FRMD4A: variants seen among roughly 807,000 people sequenced by gnomAD.
FRMD4A encodes the protein FERM domain-containing protein 4A.
A neutral mutation model predicts 129.1 loss-of-function variants in FRMD4A; 29 were observed. That is an observed-to-expected ratio of 0.22 (90% CI 0.17 to 0.31). The LOEUF is 0.31. FRMD4A is among the 10% of genes least tolerant of loss of function. The pLI, the probability that FRMD4A is intolerant of heterozygous loss-of-function variation, is 1.00. For missense variants in FRMD4A, 1,272 were observed against 1,375.8 expected (o/e 0.92, Z 1.19); for synonymous variants, 634 against 571.6 (o/e 1.11, Z -1.56).
At chr10:13,879,364 G>A (rs1443993644) in intron 2 of FRMD4A, among the ~76,000 whole-genome samples, 2 of 151,932 alleles carry the variant, frequency 1.3e-5, no homozygotes, top group Admixed American at 1.3e-4. Flanking sequence ...TTTAAAAAAC[G>A]TAGCCAGGCA....
intron 2 of FRMD4A, among the ~76,000 whole-genome samples, chr10:14,199,359 C>G (rs906211357): frequency 2.0e-5 from 3 of 150,222 alleles, no homozygotes; most frequent in African/African-American, 7.4e-5. Context: ...ACTCTGTCAC[C>G]CAGGCTGGAG....
At chr10:14,276,604 A>T (rs1021135344) in intron 2 of FRMD4A, among the ~76,000 whole-genome samples, 1 of 152,180 alleles carries the variant, frequency 6.6e-6, no homozygotes, top group Non-Finnish European at 1.5e-5. Context: ...TGCCCAGGGA[A>T]GCCCAAAGTT....
chr10:13,715,930 G>A (rs7099186), intron 12 of FRMD4A, among the ~76,000 whole-genome samples: 90,142 of 146,682 alleles, frequency 0.61, 27,900 homozygotes, highest in East Asian at 0.85. Flanking sequence ...AAAAAGAAAT[G>A]CTATGATTGT....
intron 2 of FRMD4A, among the ~76,000 whole-genome samples, chr10:14,042,495 C>T (rs1237510710): frequency 6.6e-6 from 1 of 152,012 alleles, no homozygotes; most frequent in Non-Finnish European, 1.5e-5. Context: ...GCGAATGTAC[C>T]CTTTCTGCAG....
rs551024167 is a variant in FRMD4A at position 13,962,054 on chromosome 10, T to C, written c.46-103142A>G. ...AAAAACACACGAATGAATGAATGAA[T>C]GAATGAATGAATGAATGAATGAATC... On this transcript the variant is annotated intron_variant, in intron 2 of 24. Coordinates refer to ENST00000357447, the MANE Select transcript of FRMD4A (RefSeq NM_018027.5). Among the ~76,000 whole-genome samples, 44 of 152,216 alleles carry C rather than the reference T, an allele frequency of 2.9e-4. 1 individual carries two copies. The South Asian group carries it at 8.5e-3, about 29-fold the overall frequency.
At chr10:13,974,494 T>C (rs2095533922) in intron 2 of FRMD4A, among the ~76,000 whole-genome samples, 4 of 152,136 alleles carry the variant, frequency 2.6e-5, no homozygotes, top group Admixed American at 2.6e-4. Context: ...GTATCTTCAA[T>C]CATCTACATG....
chr10:14,230,414 G>C (rs1010645939), intron 2 of FRMD4A, among the ~76,000 whole-genome samples: 1 of 152,134 alleles, frequency 6.6e-6, no homozygotes, highest in African/African-American at 2.4e-5. Flanking sequence ...TTTTGAAATA[G>C]GAATAAAAAT....
At chr10:14,227,936 C>T (rs1252890403) in intron 2 of FRMD4A, among the ~76,000 whole-genome samples, 2 of 151,936 alleles carry the variant, frequency 1.3e-5, no homozygotes, top group Non-Finnish European at 2.9e-5. Flanking sequence ...TGCAGTGGTG[C>T]GATCTTGGCT....
rs372420987 is a variant in FRMD4A at position 14,110,125 on chromosome 10, T to TTAAAAAAAAAAAAAAAAAAAAAAAA, written c.45+219932_45+219933insTTTTTTTTTTTTTTTTTTTTTTTTA. Among the ~76,000 whole-genome samples, 93 of 89,552 alleles carry TTAAAAAAAAAAAAAAAAAAAAAAAA rather than the reference T, an allele frequency of 1.0e-3. 23 individuals are homozygous for TTAAAAAAAAAAAAAAAAAAAAAAAA. The highest frequency in any genetic ancestry group is 3.7e-3 in the African/African-American group (79 of 21,522). The allele number at this position is 89,552 out of a possible 152,430, so 58.7% of individuals were successfully genotyped here. A position where few individuals can be genotyped will look rare whatever the true frequency, so the allele number is the denominator to read the frequency against. On this transcript the variant is annotated intron_variant, in intron 2 of 24. Coordinates refer to ENST00000357447, the MANE Select transcript of FRMD4A (RefSeq NM_018027.5). ...GGCTGGGCAACAAAGCGAGATGCTG[T>TTAAAAAAAAAAAAAAAAAAAAAAAA]AAAAAAAAAAAAAAAAAAAAAAGCT...
intron 2 of FRMD4A, among the ~76,000 whole-genome samples, chr10:14,162,633 T>A (rs1300996823): frequency 1.4e-5 from 2 of 138,416 alleles, no homozygotes; most frequent in African/African-American, 6.0e-5. Context: ...TTTCTCTGTT[T>A]TTTTTTTGTT....
At chr10:14,197,171 T>C (rs537097597) in intron 2 of FRMD4A, among the ~76,000 whole-genome samples, 1 of 152,256 alleles carries the variant, frequency 6.6e-6, no homozygotes, top group East Asian at 1.9e-4. Context: ...ACCTCAGTTG[T>C]TCAATTCATT....
intron 4 of FRMD4A, among the ~76,000 whole-genome samples, chr10:13,800,939 A>G (rs996104091): frequency 6.6e-6 from 1 of 152,198 alleles, no homozygotes; most frequent in African/African-American, 2.4e-5. Context: ...AAGCAATTAA[A>G]TAGACTAGAA....
rs555127800 is a variant in FRMD4A, at chr10:14,109,644, G to C, written c.45+220414C>G. On this transcript the variant is annotated intron_variant, in intron 2 of 24. Coordinates refer to ENST00000357447, the MANE Select transcript of FRMD4A (RefSeq NM_018027.5). ...CAAGAATTTGTGTCAACTTCTCAAT[G>C]TAATGCCTAGAAGTTTACATTATTT... Among the ~76,000 whole-genome samples the C allele has an allele frequency of 2.6e-5, 4 of 152,242 alleles. No homozygotes were observed. The East Asian group carries it at 5.8e-4, about 22-fold the overall frequency.
chr10:14,134,300 G>T (rs1329094561), intron 2 of FRMD4A, among the ~76,000 whole-genome samples: 4 of 151,154 alleles, frequency 2.6e-5, no homozygotes, highest in Non-Finnish European at 5.9e-5. Flanking sequence ...TAGATAAATG[G>T]GTGAATGGGT....
At chr10:14,036,707 C>A (rs187719927) in intron 2 of FRMD4A, among the ~76,000 whole-genome samples, 1 of 152,116 alleles carries the variant, frequency 6.6e-6, no homozygotes, top group East Asian at 1.9e-4. Flanking sequence ...CTCAGCCTCC[C>A]GAGTAGCTGG....
At chr10:13,751,663 A>G (rs2091631772) in intron 8 of FRMD4A, among the ~76,000 whole-genome samples, 1 of 152,212 alleles carries the variant, frequency 6.6e-6, no homozygotes, top group Admixed American at 6.5e-5. Flanking sequence ...GATAAATGCC[A>G]ACTTATAAAA....
chr10:13,923,689 G>A (rs2095099026), intron 2 of FRMD4A, among the ~76,000 whole-genome samples: 1 of 152,104 alleles, frequency 6.6e-6, no homozygotes, highest in South Asian at 2.1e-4. Flanking sequence ...TTAAAACCTG[G>A]ACTATTGTAA....
intron 2 of FRMD4A, among the ~76,000 whole-genome samples, chr10:14,000,646 CAA>C (rs11377448): frequency 0.033 from 1,414 of 43,468 alleles, 37 homozygotes; most frequent in East Asian, 0.26. Context: ...GACGCCACCT[CAA>C]AAAAAAAAAA....
At chr10:13,672,068 A>ATGTATGCATGTGCAGGCATGG (rs1297006331) in intron 16 of FRMD4A, among the ~76,000 whole-genome samples, 2 of 152,246 alleles carry the variant, frequency 1.3e-5, no homozygotes, top group African/African-American at 4.8e-5. Flanking sequence ...ATGTGTACGC[A>ATGTATGCATGTGCAGGCATGG]TGTATGCATG....
Sources: allele counts gnomAD v4.1 joint callset (sites outside exome capture counted in the v4.1 genomes callset), GRCh38; gene constraint gnomAD v4.1.1; transcripts MANE v1.5; gene names NCBI Gene and HGNC (gene_info 2026-07-23, HGNC 2026-07-21).